Variants in BMPER observed in about 807,000 individuals in gnomAD.
BMPER encodes BMP-binding endothelial regulator protein.
Under a neutral mutation model 87.3 loss-of-function variants are expected in BMPER, and 45 were observed. That is an observed-to-expected ratio of 0.52 (90% CI 0.41 to 0.66). BMPER has a LOEUF of 0.66. BMPER is among the 30% of genes least tolerant of loss of function. The probability of loss-of-function intolerance (pLI) is 0.00; values close to 1 mark genes in which losing one functional copy is unlikely to be tolerated. For missense variants in BMPER, 784 were observed against 867.5 expected (o/e 0.90, Z 1.21); for synonymous variants, 326 against 316.2 (o/e 1.03, Z -0.33).
Position 34,057,894 on chromosome 7 carries a change from A to G in BMPER, c.928-165A>G, listed in dbSNP as rs73329175. On this transcript the variant is annotated intron_variant, in intron 9 of 14. Coordinates refer to ENST00000649409, the MANE Select transcript of BMPER (RefSeq NM_001365308.1). ...CAATCTGAAATCTTCACTAATCTTT[A>G]TCTTAAATCAGTTGGATGTAGACAG... is the stretch of plus-strand genomic sequence containing the variant. Among the ~76,000 whole-genome samples, 1,359 of 152,082 alleles carry G rather than the reference A, an allele frequency of 8.9e-3. 15 individuals are homozygous for G. The highest frequency in any genetic ancestry group is 0.031 in the African/African-American group (1,279 of 41,484).
At chr7:34,104,283 T>C (rs1015280468) in intron 13 of BMPER, among the ~76,000 whole-genome samples, 1 of 152,168 alleles carries the variant, frequency 6.6e-6, no homozygotes, top group African/African-American at 2.4e-5. Flanking sequence ...CCGTGATTCC[T>C]CTCTATGACA....
intron 13 of BMPER, among the ~76,000 whole-genome samples, chr7:34,095,472 A>G (rs1288716231): frequency 6.6e-6 from 1 of 152,152 alleles, no homozygotes; most frequent in Non-Finnish European, 1.5e-5. Flanking sequence ...TCTCCTTGGT[A>G]TTTCTATCTT....
intron 6 of BMPER, among the ~76,000 whole-genome samples, chr7:33,989,709 GT>G (rs1438254256): frequency 3.3e-5 from 5 of 152,184 alleles, no homozygotes; most frequent in African/African-American, 9.7e-5. Flanking sequence ...GTCCTGAATG[GT>G]AATGCCTAGG....
At chr7:34,094,768 G>A (rs1333281055) in intron 13 of BMPER, among the ~76,000 whole-genome samples, 1 of 152,182 alleles carries the variant, frequency 6.6e-6, no homozygotes, top group Admixed American at 6.5e-5. Flanking sequence ...TGTGAGGGTT[G>A]CATCAGTCAT....
chr7:33,918,605 A>G (rs1420863109), intron 2 of BMPER, among the ~76,000 whole-genome samples: 1 of 152,200 alleles, frequency 6.6e-6, no homozygotes, highest in African/African-American at 2.4e-5. Flanking sequence ...TCTTTTCCTG[A>G]ATGAGAGAAC....
chr7:34,054,372 A>G (rs1788225105), intron 8 of BMPER, among the ~76,000 whole-genome samples: 1 of 152,184 alleles, frequency 6.6e-6, no homozygotes, highest in African/African-American at 2.4e-5. Flanking sequence ...CCTTGTTTTT[A>G]AACAAGAAAT....
intron 3 of BMPER, among the ~76,000 whole-genome samples, chr7:33,963,455 CTTTTATT>C (rs762658372): frequency 3.3e-5 from 5 of 152,222 alleles, no homozygotes; most frequent in Non-Finnish European, 5.9e-5. Context: ...TAGTAAGTCA[CTTTTATT>C]ATATTTTATA....
chr7:34,034,235 ACTT>A (rs937037146), intron 6 of BMPER, among the ~76,000 whole-genome samples: 2 of 152,172 alleles, frequency 1.3e-5, no homozygotes, highest in African/African-American at 4.8e-5. Flanking sequence ...TTGGCCAAAC[ACTT>A]CTTCTTTCTG....
At chr7:33,956,619 G>A (rs1339628858) in intron 3 of BMPER, among the ~76,000 whole-genome samples, 1 of 151,904 alleles carries the variant, frequency 6.6e-6, no homozygotes, top group African/African-American at 2.4e-5. Flanking sequence ...GAGACAGCAA[G>A]ACCAACCACT....
chr7:34,032,148 C>G (rs1401854691), intron 6 of BMPER, among the ~76,000 whole-genome samples: 1 of 151,328 alleles, frequency 6.6e-6, no homozygotes, highest in African/African-American at 2.4e-5. Context: ...TCCCAATTTA[C>G]AAATGAAAAA....
Position 33,905,555 on chromosome 7 carries a change from A to C in BMPER, c.-59A>C. ...GCCCTTTTCGACTGTGAGCTGCGGC[A>C]GCTGAGCAGAGGCGGCGGCGCGGGA... is the stretch of plus-strand genomic sequence containing the variant. On this transcript the variant is annotated 5_prime_UTR_variant, in exon 1 of 15. Coordinates refer to ENST00000649409, the MANE Select transcript of BMPER (RefSeq NM_001365308.1). 1.3e-6 allele frequency: 2 copies of C among 1,599,468 alleles called. No homozygotes were observed. Among genetic ancestry groups the C allele is most frequent in the Non-Finnish European group, 1.7e-6 (2 of 1,177,728 alleles).
At chr7:34,094,887 C>T (rs1729787991) in intron 13 of BMPER, among the ~76,000 whole-genome samples, 1 of 152,124 alleles carries the variant, frequency 6.6e-6, no homozygotes, top group Non-Finnish European at 1.5e-5. Flanking sequence ...TGGTGTTTAC[C>T]TACCTTCAGA....
chr7:34,140,714 C>A (rs10224983), intron 13 of BMPER, among the ~76,000 whole-genome samples: 125,595 of 152,208 alleles, frequency 0.83, 52,045 homozygotes, highest in East Asian at 0.95. Context: ...TCATAAGACA[C>A]GTAGAAATCA....
intron 6 of BMPER, among the ~76,000 whole-genome samples, chr7:34,022,718 A>G (rs1192162005): frequency 1.3e-5 from 2 of 151,682 alleles, no homozygotes; most frequent in Non-Finnish European, 1.5e-5. Context: ...AAAAAAAAAA[A>G]AAAAAAGGAA....
chr7:34,143,307 C>T lies in BMPER; in HGVS notation c.1823C>T (p.Ala608Val), dbSNP rs777908220. 6.2e-7 allele frequency: 1 copy of T among 1,614,014 alleles called. No homozygotes were observed. Among genetic ancestry groups the T allele is most frequent in the Admixed American group, 1.7e-5 (1 of 59,986 alleles). Reference protein sequence around the residue: ...YCESFLAYTRACQREGIKVHW... With the variant: ...YCESFLAYTRVCQREGIKVHW... Reference sequence around the variant, plus strand: ...GAGTCATTTTTGGCATATACCCGGGCCTGCCAGAGAGAGGGCATCAAAGTC... The same window carrying T: ...GAGTCATTTTTGGCATATACCCGGGTCTGCCAGAGAGAGGGCATCAAAGTC... The change falls in exon 14 of 15, where the codon GCC (alanine) becomes GTC (valine). Residue 608 changes from alanine (A) to valine (V), a missense_variant. Ala to Val is a moderately conservative substitution (Grantham distance 64, BLOSUM62 0). Transcript: ENST00000649409.
intron 6 of BMPER, among the ~76,000 whole-genome samples, chr7:34,022,429 G>A (rs766009141): frequency 3.4e-5 from 5 of 148,062 alleles, no homozygotes; most frequent in Admixed American, 2.0e-4. Flanking sequence ...TTGAATCCAC[G>A]TGGAAATGGA....
chr7:34,151,786 T>C (rs1562775195), intron 14 of BMPER, among the ~76,000 whole-genome samples: 1 of 152,124 alleles, frequency 6.6e-6, no homozygotes, highest in Non-Finnish European at 1.5e-5. Flanking sequence ...TACAGAAAAA[T>C]GTTCATTATA....
intron 13 of BMPER, among the ~76,000 whole-genome samples, chr7:34,110,424 G>T (rs1789930534): frequency 6.6e-6 from 1 of 152,176 alleles, no homozygotes; most frequent in African/African-American, 2.4e-5. Flanking sequence ...TGTTTGATTA[G>T]TGTAGCACTG....
In BMPER at chr7:34,078,902, T is replaced by C. The variant is rs756757241; in HGVS notation, c.1124T>C (p.Phe375Ser). The change falls in exon 12 of 15, where the codon TTT (phenylalanine) becomes TCT (serine). Residue 375 changes from phenylalanine to serine, a missense_variant. Phe to Ser is a radical substitution (Grantham distance 155). Coordinates refer to ENST00000649409, the MANE Select transcript of BMPER (RefSeq NM_001365308.1). Reference sequence around the variant, plus strand: ...TTTGGAGATCCCCACTACAACACTTTTGACGGTCGGACATTTAACTTTCAG... The same window carrying C: ...TTTGGAGATCCCCACTACAACACTTCTGACGGTCGGACATTTAACTTTCAG... ...TVFGDPHYNT[F>S]DGRTFNFQGT... The C allele has an allele frequency of 1.2e-6, 2 of 1,614,232 alleles. No individual in the cohort carries two copies. The highest frequency in any genetic ancestry group is 2.2e-5 in the South Asian group (2 of 91,088).
Sources: gnomAD v4.1 joint callset for allele counts (sites outside exome capture counted in the v4.1 genomes callset) on GRCh38, gnomAD v4.1.1 for gene constraint, MANE v1.5 for transcripts, NCBI Gene and HGNC (gene_info 2026-07-23, HGNC 2026-07-21) for gene names.